Variants in DIAPH2 observed in about 807,000 individuals in gnomAD.
DIAPH2 encodes diaphanous related formin 2.
Under a neutral mutation model 92.7 loss-of-function variants are expected in DIAPH2, and 35 were observed. The ratio of observed to expected loss-of-function variants is 0.38; its 90% CI spans 0.29 to 0.50. The LOEUF (loss-of-function observed/expected upper bound fraction) is 0.50, where lower values mean the gene tolerates loss of function less well. Ranked by LOEUF, DIAPH2 falls within the 20% of genes least tolerant of loss-of-function variation. The probability of loss-of-function intolerance (pLI) is 0.94; values close to 1 mark genes in which losing one functional copy is unlikely to be tolerated. For missense variants in DIAPH2, 701 were observed against 819.5 expected, an observed-to-expected ratio of 0.86 and a Z score of 1.77; for synonymous variants, 301 against 280.4, an observed-to-expected ratio of 1.07 and a Z score of -0.73.
intron 26 of DIAPH2, chrX:97,431,222 A>T (rs1029879320): frequency 5.4e-5 from 6 of 112,078 alleles, no homozygotes; most frequent in Non-Finnish European, 7.5e-5. Flanking sequence ...GAAAATAAAA[A>T]CCTTCACTGC....
At chrX:97,181,361 G>A (rs972452188) in intron 22 of DIAPH2, among the ~76,000 whole-genome samples, 13 of 110,034 alleles carry the variant, frequency 1.2e-4, no homozygotes, top group African/African-American at 4.3e-4. Flanking sequence ...ATGAACCACT[G>A]TGCTAAATAT....
chrX:97,213,717 G>A (rs2067859308), intron 22 of DIAPH2, among the ~76,000 whole-genome samples: 1 of 112,088 alleles, frequency 8.9e-6, no homozygotes, highest in South Asian at 3.7e-4. Flanking sequence ...TAAAATGGTT[G>A]TATTTTCATT....
chrX:97,323,920 A>AT (rs2068928380), intron 23 of DIAPH2, among the ~76,000 whole-genome samples: 1 of 109,425 alleles, frequency 9.1e-6, no homozygotes, highest in African/African-American at 3.3e-5. Context: ...AAAAAAAAAA[A>AT]AAAAATAAGT....
intron 21 of DIAPH2, among the ~76,000 whole-genome samples, chrX:97,123,452 G>C (rs1450247167): frequency 8.9e-6 from 1 of 112,212 alleles, no homozygotes; most frequent in Non-Finnish European, 1.9e-5. Context: ...TAAATGTATA[G>C]AACACTAAAT....
intron 23 of DIAPH2, among the ~76,000 whole-genome samples, chrX:97,336,395 G>A (rs1179490382): frequency 1.9e-5 from 2 of 107,680 alleles, no homozygotes; most frequent in Admixed American, 1.0e-4. Context: ...ACAGGCGCCC[G>A]CCACCACGCC....
rs72373635 is a variant in DIAPH2 at position 97,545,533 on chromosome X, AATATATAT to A, written c.3242-53699_3242-53692del. On this transcript the variant is annotated intron_variant, in intron 26 of 26. Coordinates refer to ENST00000324765, the MANE Select transcript of DIAPH2 (RefSeq NM_006729.5). ...TTTTTAAGTTTGATGAAAAAAAAAA[AATATATAT>A]ATATATATATATATATATATTCTTA... is the stretch of plus-strand genomic sequence containing the variant. 3.3e-4 allele frequency among the ~76,000 whole-genome samples: 26 copies of A among 79,338 alleles called. No individual in the cohort carries two copies. In the South Asian group the frequency reaches 0.013, roughly 40 times the overall value. 68.9% of individuals were successfully genotyped at this position (79,338 alleles called of 115,157 possible).
At chrX:97,536,580 C>T (rs1243448221) in intron 26 of DIAPH2, among the ~76,000 whole-genome samples, 1 of 111,824 alleles carries the variant, frequency 8.9e-6, no homozygotes, top group Admixed American at 9.5e-5. Context: ...TCAAATATTC[C>T]ATGCTAGAAA....
At chrX:97,154,874 T>C (rs1170727477) in intron 22 of DIAPH2, among the ~76,000 whole-genome samples, 1 of 112,349 alleles carries the variant, frequency 8.9e-6, no homozygotes, top group Non-Finnish European at 1.9e-5. Context: ...TAGATATTCT[T>C]CGGAGGAAAA....
At chrX:97,045,270 CA>C (rs1296727711) in intron 17 of DIAPH2, among the ~76,000 whole-genome samples, 1 of 111,806 alleles carries the variant, frequency 8.9e-6, no homozygotes, top group African/African-American at 3.3e-5. Flanking sequence ...GTGTCAGGGT[CA>C]GGGGTCAAGA....
At chrX:97,120,972 A>G (rs1333052782) in intron 21 of DIAPH2, among the ~76,000 whole-genome samples, 1 of 112,127 alleles carries the variant, frequency 8.9e-6, no homozygotes, top group Non-Finnish European at 1.9e-5. Flanking sequence ...AAAATTTGGA[A>G]ATCTGTAATC....
intron 4 of DIAPH2, among the ~76,000 whole-genome samples, chrX:96,838,243 A>C (rs2147698744): frequency 8.9e-6 from 1 of 111,881 alleles, no homozygotes; most frequent in South Asian, 3.7e-4. Context: ...TTTGGGTGGT[A>C]AACTGTCCCT....
At chrX:96,719,872 A>C (rs2063978774) in intron 1 of DIAPH2, among the ~76,000 whole-genome samples, 1 of 112,279 alleles carries the variant, frequency 8.9e-6, no homozygotes, top group Admixed American at 9.4e-5. Context: ...AACAAAAGTA[A>C]AAAATGAAAA....
chrX:97,522,429 G>A (rs1023981417), intron 26 of DIAPH2, among the ~76,000 whole-genome samples: 1 of 112,391 alleles, frequency 8.9e-6, no homozygotes, highest in Non-Finnish European at 1.9e-5. Context: ...TTATAAGCGT[G>A]AGCCACCACA....
chrX:96,705,248 C>T (rs1002983615), intron 1 of DIAPH2, among the ~76,000 whole-genome samples: 14 of 111,475 alleles, frequency 1.3e-4, no homozygotes, highest in African/African-American at 4.6e-4. Context: ...GGATTACAGG[C>T]GTGAGCCACT....
chrX:97,206,114 T>A (rs1438618693), intron 22 of DIAPH2, among the ~76,000 whole-genome samples: 3 of 110,611 alleles, frequency 2.7e-5, no homozygotes, highest in East Asian at 2.9e-4. Flanking sequence ...TGAGAACACA[T>A]GGATACAGGG....
At position 97,027,066 on chromosome X, in the gene DIAPH2, T is replaced by C. The variant is rs554738896; in HGVS notation, c.2051-45875T>C. Among the ~76,000 whole-genome samples, 9 of 112,421 alleles carry C rather than the reference T, an allele frequency of 8.0e-5. No homozygotes were observed. In the South Asian group the frequency reaches 3.3e-3, roughly 41 times the overall value. ...CAAAATGAATATGAAAACCTGTTGATACAACTTTAGGTGGAAACCTAAGCC... is the reference window on the plus strand; with the variant it reads ...CAAAATGAATATGAAAACCTGTTGACACAACTTTAGGTGGAAACCTAAGCC... On this transcript the variant is annotated intron_variant, in intron 17 of 26. Coordinates refer to ENST00000324765, the MANE Select transcript of DIAPH2 (RefSeq NM_006729.5).
chrX:96,745,007 C>CTT (rs746267062), intron 3 of DIAPH2, among the ~76,000 whole-genome samples: 28 of 96,551 alleles, frequency 2.9e-4, no homozygotes, highest in Admixed American at 5.7e-4. Flanking sequence ...AGGTGTAAAA[C>CTT]TTTTTTTTTT....
At chrX:97,174,659 G>A (rs1166794811) in intron 22 of DIAPH2, among the ~76,000 whole-genome samples, 13 of 111,602 alleles carry the variant, frequency 1.2e-4, no homozygotes, top group Non-Finnish European at 2.3e-4. Context: ...CCTACTGTGG[G>A]GTTCTTCGGA....
chrX:97,121,408 C>T (rs181467325), intron 21 of DIAPH2, among the ~76,000 whole-genome samples: 2 of 111,738 alleles, frequency 1.8e-5, no homozygotes, highest in Admixed American at 1.9e-4. Context: ...TCCCCTTTGT[C>T]CTTCACAAGA....
Sources: allele counts gnomAD v4.1 joint callset (sites outside exome capture counted in the v4.1 genomes callset), GRCh38; gene constraint gnomAD v4.1.1; transcripts MANE v1.5; gene names NCBI Gene and HGNC (gene_info 2026-07-23, HGNC 2026-07-21).